Variants in NETO1 observed in about 807,000 individuals in gnomAD.
NETO1 encodes the protein neuropilin and tolloid-like protein 1.
NETO1 carries 26 observed loss-of-function variants against 61.3 expected under a neutral mutation model. The ratio of observed to expected loss-of-function variants is 0.42; its 90% CI spans 0.31 to 0.59. The LOEUF is 0.59. NETO1 is among the 20% of genes least tolerant of loss of function. The pLI is 0.12. For synonymous variants in NETO1, 225 were observed against 225.8 expected, an observed-to-expected ratio of 1.00 and a Z score of 0.03; for missense variants, 531 against 662.8, an observed-to-expected ratio of 0.80 and a Z score of 2.18.
rs1241547418 is a variant in NETO1, at chr18:72,830,770, C to T, written c.469+28056G>A. The stretch of plus-strand genomic sequence containing the variant: ...CATTTTCCCTCAAATTCACCATCTC[C>T]TCTTTCTTAATCCTTCCATCACAAG... On this transcript the variant is annotated intron_variant, in intron 4 of 10. Transcript: ENST00000327305. The surrounding 1 kb of genome is among the most constrained non-coding windows in gnomAD (Gnocchi z 4.9). Among the ~76,000 whole-genome samples, 1 of 152,200 alleles carries T rather than the reference C, an allele frequency of 6.6e-6. No homozygotes were observed. The highest frequency in any genetic ancestry group is 2.4e-5 in the African/African-American group (1 of 41,450).
At chr18:72,795,053 T>C (rs1415802857) in intron 4 of NETO1, among the ~76,000 whole-genome samples, 1 of 152,230 alleles carries the variant, frequency 6.6e-6, no homozygotes, top group Non-Finnish European at 1.5e-5. Flanking sequence ...ACTCTCCCTG[T>C]CTTCCTCGCA....
At chr18:72,769,086 T>C (rs2071259973) in intron 7 of NETO1, among the ~76,000 whole-genome samples, 1 of 152,184 alleles carries the variant, frequency 6.6e-6, no homozygotes, top group South Asian at 2.1e-4. Flanking sequence ...AGACTGCTGA[T>C]GGAGAGTGGC....
chr18:72,776,461 G>C (rs2085028856), intron 7 of NETO1, among the ~76,000 whole-genome samples: 1 of 152,130 alleles, frequency 6.6e-6, no homozygotes, highest in South Asian at 2.1e-4. Context: ...TAGTCCATTT[G>C]CGCTGCTCTA....
At chr18:72,817,506 T>A (rs1035100016) in intron 4 of NETO1, among the ~76,000 whole-genome samples, 12 of 151,714 alleles carry the variant, frequency 7.9e-5, no homozygotes, top group South Asian at 6.2e-4. Flanking sequence ...TGTTAGAGAT[T>A]TTTTTTTAAA....
intron 3 of NETO1, among the ~76,000 whole-genome samples, chr18:72,863,777 C>G (rs1263319570): frequency 6.6e-6 from 1 of 152,102 alleles, no homozygotes; most frequent in Non-Finnish European, 1.5e-5. Flanking sequence ...GTGCATCTAT[C>G]TTTATCATTA....
intron 4 of NETO1, chr18:72,834,233 A>G (rs1222244951): frequency 5.7e-6 from 4 of 696,230 alleles, no homozygotes; most frequent in East Asian, 1.3e-4. Flanking sequence ...TAATTGCAAA[A>G]TAAGTTTTAA....
Position 72,867,171 on chromosome 18 carries a change from C to G in NETO1, c.28+93G>C, listed in dbSNP as rs1376421316. 4 of 947,778 alleles carry G rather than the reference C, an allele frequency of 4.2e-6. No individual in the cohort carries two copies. In the African/African-American group the frequency reaches 6.9e-5, roughly 16 times the overall value. The allele number at this position is 947,778 out of a possible 1,614,324, so 58.7% of individuals were successfully genotyped here. A position where few individuals can be genotyped will look rare whatever the true frequency, so the allele number is the denominator to read the frequency against. On this transcript the variant is annotated intron_variant, in intron 1 of 10. Transcript: ENST00000327305. ...CGGGACTGCAGGGTCCGCCGGAGCG[C>G]GGCGCAGAGGCTTTTCCTGCGCGTT... is the stretch of plus-strand genomic sequence containing the variant.
At position 72,835,176 on chromosome 18, in the gene NETO1, G is replaced by A. The variant is rs371345365; in HGVS notation, c.469+23650C>T. On this transcript the variant is annotated intron_variant, in intron 4 of 10. Transcript: ENST00000327305. ...AACAGCATTTTCAAGGGCACAAATC[G>A]TGGTGCACCTGGAGATCAGCATGTG... The A allele has an allele frequency of 4.8e-5, 63 of 1,312,630 alleles. 1 individual carries two copies. The highest frequency in any genetic ancestry group is 3.2e-4 in the Admixed American group (12 of 37,638). The allele number at this position is 1,312,630 out of a possible 1,614,324, so 81.3% of individuals were successfully genotyped here.
intron 3 of NETO1, among the ~76,000 whole-genome samples, chr18:72,863,987 A>G (rs1009059922): frequency 2.0e-5 from 3 of 152,170 alleles, no homozygotes; most frequent in African/African-American, 7.2e-5. Context: ...TGGGAGGCCA[A>G]AGTCGGTGGA....
At chr18:72,793,532 G>C (rs189522956) in intron 6 of NETO1, among the ~76,000 whole-genome samples, 2 of 152,170 alleles carry the variant, frequency 1.3e-5, no homozygotes, top group Admixed American at 6.5e-5. Flanking sequence ...CTTTTGGCAA[G>C]TTATGAGAAA....
chr18:72,845,276 GA>G (rs1274482705), intron 4 of NETO1, among the ~76,000 whole-genome samples: 1 of 152,152 alleles, frequency 6.6e-6, no homozygotes, highest in Non-Finnish European at 1.5e-5. Context: ...CTGATCCCAT[GA>G]GAAATCTGGA....
At chr18:72,842,070 A>AT (rs11440152) in intron 4 of NETO1, among the ~76,000 whole-genome samples, 149,540 of 152,318 alleles carry the variant, frequency 0.98, 73,418 homozygotes, top group East Asian at 1. Flanking sequence ...GAGGGAAGAT[A>AT]CTGCACTGTA....
chr18:72,766,227 TG>T, intron 7 of NETO1, among the ~76,000 whole-genome samples: 1 of 107,382 alleles, frequency 9.3e-6, no homozygotes, highest in African/African-American at 3.8e-5. Flanking sequence ...AATATGTGTG[TG>T]TGTGTGTGTG....
chr18:72,843,688 G>A (rs1371857837), intron 4 of NETO1, among the ~76,000 whole-genome samples: 1 of 152,090 alleles, frequency 6.6e-6, no homozygotes, highest in African/African-American at 2.4e-5. Context: ...AGAAAAAAAC[G>A]TCCCTCTGTA....
At chr18:72,862,093 C>G (rs957072373) in intron 3 of NETO1, among the ~76,000 whole-genome samples, 1 of 152,164 alleles carries the variant, frequency 6.6e-6, no homozygotes, top group African/African-American at 2.4e-5. Flanking sequence ...CTGTCCCTCT[C>G]TTATGTGTTA....
intron 7 of NETO1, among the ~76,000 whole-genome samples, chr18:72,767,839 A>G (rs1257432259): frequency 6.6e-6 from 1 of 152,198 alleles, no homozygotes; most frequent in African/African-American, 2.4e-5. Context: ...CCTTTGCTCA[A>G]TAGCCTCACT....
chr18:72,800,856 T>C (rs553840855), intron 4 of NETO1, among the ~76,000 whole-genome samples: 3 of 152,336 alleles, frequency 2.0e-5, no homozygotes, highest in African/African-American at 7.2e-5. Flanking sequence ...GATTTTATTA[T>C]ATGTTGATAT....
At chr18:72,823,219 C>T (rs1293152451) in intron 4 of NETO1, among the ~76,000 whole-genome samples, 1 of 152,110 alleles carries the variant, frequency 6.6e-6, no homozygotes, top group African/African-American at 2.4e-5. Context: ...AAAAAAATTG[C>T]TAACCTCATG....
intron 6 of NETO1, among the ~76,000 whole-genome samples, chr18:72,789,251 T>C (rs62091909): frequency 0.36 from 36,650 of 102,014 alleles, 5,207 homozygotes; most frequent in Admixed American, 0.43. Context: ...CACACACACA[T>C]GTGCACAGCA....
Sources: gnomAD v4.1 joint callset for allele counts (sites outside exome capture counted in the v4.1 genomes callset) on GRCh38, gnomAD v4.1.1 for gene constraint, Gnocchi (gnomAD v3.1) non-coding constraint, MANE v1.5 for transcripts, NCBI Gene and HGNC (gene_info 2026-07-23, HGNC 2026-07-21) for gene names.